Variants in CCNH observed in about 807,000 individuals in gnomAD.
CCNH encodes cyclin-H.
In CCNH, 31 loss-of-function variants were observed where a neutral mutation model predicts 41.9. The ratio of observed to expected loss-of-function variants is 0.74; its 90% confidence interval spans 0.56 to 1.00. The LOEUF (loss-of-function observed/expected upper bound fraction) is 1.00. Among genes scored for constraint, CCNH ranks in the 50% least tolerant of loss-of-function variants. The pLI is 0.00. For missense variants in CCNH, 362 were observed against 388.4 expected (o/e 0.93, Z 0.57); for synonymous variants, 138 against 136.1 (o/e 1.01, Z -0.10).
intron 5 of CCNH, among the ~76,000 whole-genome samples, chr5:87,403,764 A>G (rs1763587978): frequency 1.3e-5 from 2 of 152,178 alleles, no homozygotes; most frequent in Non-Finnish European, 2.9e-5. Context: ...CCTGGGTGAG[A>G]GTGAGATGCT....
chr5:87,349,400 G>A (rs748073300), intron 9 of CCNH: 57 of 1,603,320 alleles, frequency 3.6e-5, no homozygotes, highest in East Asian at 4.5e-5. Flanking sequence ...TTTACTTTTC[G>A]CAAAAATAGT....
chr5:87,399,578 T>C (rs1486783636), intron 6 of CCNH, 73 bp from the exon 7 acceptor site: 2 of 948,326 alleles, frequency 2.1e-6, no homozygotes, highest in Non-Finnish European at 3.4e-6. Flanking sequence ...GCTGGTTACT[T>C]TTCCATTTTG....
chr5:87,349,384 C>T, intron 9 of CCNH: 1 of 1,609,970 alleles, frequency 6.2e-7, no homozygotes, highest in Non-Finnish European at 8.5e-7. Flanking sequence ...AATTTTTTAG[C>T]TATCTTTTAC....
chr5:87,358,724 C>T (rs1429599286), intron 9 of CCNH, among the ~76,000 whole-genome samples: 3 of 152,190 alleles, frequency 2.0e-5, no homozygotes, highest in African/African-American at 7.2e-5. Context: ...CCAACAGTGG[C>T]AGTCCATTAA....
At chr5:87,412,218 T>G (rs1362906912) in intron 1 of CCNH, 1 of 170,718 alleles carries the variant, frequency 5.9e-6, no homozygotes, top group African/African-American at 2.4e-5. Context: ...CAGCCATTCC[T>G]GCACAGGTAC....
chr5:87,374,006 CATATACAAATAT>C (rs2112484173), downstream of CCNH, among the ~76,000 whole-genome samples: 1 of 151,074 alleles, frequency 6.6e-6, no homozygotes, highest in East Asian at 1.9e-4. Context: ...TTAAGTATGT[CATATACAAATAT>C]ATAACCAAAG....
At chr5:87,335,497 G>A (rs1757908782) in intron 9 of CCNH, among the ~76,000 whole-genome samples, 2 of 145,014 alleles carry the variant, frequency 1.4e-5, no homozygotes, top group South Asian at 2.2e-4. Context: ...GCCATCTTGG[G>A]TCACTGCAAC....
At chr5:87,335,328 T>C (rs576319948) in intron 9 of CCNH, among the ~76,000 whole-genome samples, 1 of 152,156 alleles carries the variant, frequency 6.6e-6, no homozygotes, top group South Asian at 2.1e-4. Flanking sequence ...AAAATTTGAA[T>C]TTTAGACATT....
intron 9 of CCNH, among the ~76,000 whole-genome samples, chr5:87,325,751 G>C (rs1364687936): frequency 6.6e-6 from 1 of 152,116 alleles, no homozygotes; most frequent in Non-Finnish European, 1.5e-5. Context: ...TGTTTTAATG[G>C]TTTTCTGTTG....
At chr5:87,392,489 C>T, downstream of CCNH, 1 of 380,916 alleles carries the variant, frequency 2.6e-6, no homozygotes, top group South Asian at 2.0e-5. Flanking sequence ...TCCTTTCCAC[C>T]CCTTCTGTTT....
At chr5:87,365,106 C>T (rs927264773) in intron 9 of CCNH, among the ~76,000 whole-genome samples, 6 of 152,078 alleles carry the variant, frequency 3.9e-5, no homozygotes, top group Admixed American at 3.9e-4. Flanking sequence ...ATAGGTGGCT[C>T]TTGATTCTTG....
Position 87,346,733 on chromosome 5 carries a change from A to G in CCNH, c.*91-27836T>C, listed in dbSNP as rs942850053. 2.0e-6 allele frequency: 3 copies of G among 1,529,576 alleles called. No individual in the cohort carries two copies. The highest frequency in any genetic ancestry group is 2.7e-5 in the African/African-American group (2 of 72,924). 94.8% of individuals were successfully genotyped at this position (1,529,576 alleles called of 1,614,324 possible). On this transcript the variant is annotated intron_variant and NMD_transcript_variant, in intron 9 of 9. Transcript: ENST00000645953. ...TAATTTACTAATGACAGGTACTTACATATTTACTTGCTTTTCTAATGTCTA... is the reference window on the plus strand; with the variant it reads ...TAATTTACTAATGACAGGTACTTACGTATTTACTTGCTTTTCTAATGTCTA...
rs1185741395 is a variant in CCNH at position 87,401,960 on chromosome 5, CCTTT to C, written c.690-192_690-189del. 3.3e-5 allele frequency among the ~76,000 whole-genome samples: 5 copies of C among 152,016 alleles called. No individual in the cohort carries two copies. In the East Asian group the frequency reaches 9.6e-4, roughly 29 times the overall value. Reference sequence around the variant, plus strand: ...CTTACATTAAAAGATGTTTATTGTTCCTTTAAGTTTAGTGACATTCAGGTACAAC... The same window carrying C: ...CTTACATTAAAAGATGTTTATTGTTCAAGTTTAGTGACATTCAGGTACAAC... On this transcript the variant is annotated intron_variant, in intron 5 of 8. Transcript: ENST00000256897.
At chr5:87,391,443 TCTG>T (rs1314567561), downstream of CCNH, 5 of 242,718 alleles carry the variant, frequency 2.1e-5, no homozygotes, top group South Asian at 1.5e-4. Flanking sequence ...TAAAAAATAC[TCTG>T]CTATTTCTCT....
downstream of CCNH, among the ~76,000 whole-genome samples, chr5:87,373,791 TTTTAA>T (rs1289091565): frequency 2.0e-5 from 3 of 152,166 alleles, no homozygotes; most frequent in East Asian, 3.8e-4. Flanking sequence ...ACATACGGGA[TTTTAA>T]TTTGAGTAGT....
chr5:87,406,155 A>G (rs938338781), intron 4 of CCNH, among the ~76,000 whole-genome samples: 3 of 152,188 alleles, frequency 2.0e-5, no homozygotes, highest in Non-Finnish European at 2.9e-5. Flanking sequence ...ATCCTGAGGC[A>G]TAACAGTATC....
upstream of CCNH, among the ~76,000 whole-genome samples, chr5:87,380,214 C>G (rs1761613982): frequency 6.6e-6 from 1 of 152,094 alleles, no homozygotes; most frequent in East Asian, 1.9e-4. Context: ...CTCACTTGTT[C>G]AGGTAGAAGT....
At chr5:87,331,952 A>T (rs1206238758) in intron 9 of CCNH, among the ~76,000 whole-genome samples, 1 of 152,162 alleles carries the variant, frequency 6.6e-6, no homozygotes, top group East Asian at 1.9e-4. Context: ...AATATTCTGT[A>T]TATATAAACA....
intron 7 of CCNH, among the ~76,000 whole-genome samples, chr5:87,397,555 T>C (rs886474793): frequency 2.6e-5 from 4 of 152,226 alleles, no homozygotes; most frequent in South Asian, 2.1e-4. Flanking sequence ...TTTCTAGTAA[T>C]TCATTTTTTA....
Sources: gnomAD v4.1 joint callset for allele counts (sites outside exome capture counted in the v4.1 genomes callset) on GRCh38, gnomAD v4.1.1 for gene constraint, MANE v1.5 for transcripts, NCBI Gene and HGNC (gene_info 2026-07-23, HGNC 2026-07-21) for gene names.